The following TENM4 variants were observed in gnomAD, a reference collection of about 807,000 sequenced individuals.
The protein encoded by TENM4 is teneurin transmembrane protein 4.
TENM4 carries 82 observed loss-of-function variants against 243.3 expected under a neutral mutation model. The observed-to-expected ratio is 0.34, with a 90% CI of 0.28 to 0.40. The LOEUF (loss-of-function observed/expected upper bound fraction) is 0.40, where lower values mean the gene tolerates loss of function less well. Ranked by LOEUF, TENM4 falls within the 10% of genes least tolerant of loss-of-function variation. The pLI is 1.00. For missense variants in TENM4, 3,138 were observed against 3,673.3 expected (o/e 0.85, Z 3.77); for synonymous variants, 1,412 against 1,456.3 (o/e 0.97, Z 0.69).
At chr11:78,696,307 G>A (rs1858959944) in intron 28 of TENM4, among the ~76,000 whole-genome samples, 1 of 152,010 alleles carries the variant, frequency 6.6e-6, no homozygotes, top group South Asian at 2.1e-4. Context: ...TTTTCCATTA[G>A]AGCCTTTAAA....
intron 3 of TENM4, among the ~76,000 whole-genome samples, chr11:79,192,128 G>T (rs746433263): frequency 6.7e-6 from 1 of 148,570 alleles, no homozygotes; most frequent in African/African-American, 2.5e-5. Context: ...CAGCCGCCCC[G>T]TCCGGGAGGG....
intron 1 of TENM4, among the ~76,000 whole-genome samples, chr11:79,421,665 C>T (rs760401261): frequency 1.6e-4 from 24 of 148,368 alleles, no homozygotes; most frequent in Non-Finnish European, 3.0e-4. Context: ...GCTAAAGGAA[C>T]GGAACAAGGA....
chr11:78,704,167 A>G (rs1208549937), intron 27 of TENM4, among the ~76,000 whole-genome samples: 3 of 96,300 alleles, frequency 3.1e-5, no homozygotes, highest in African/African-American at 1.1e-4. Context: ...GTCTATATAT[A>G]TATATATATA....
intron 6 of TENM4, among the ~76,000 whole-genome samples, chr11:78,961,889 G>A (rs1228288663): frequency 5.9e-5 from 9 of 151,586 alleles, no homozygotes; most frequent in Admixed American, 5.9e-4. Flanking sequence ...CATCTTTGTC[G>A]GTACATCTGC....
chr11:79,000,623 T>C (rs1445211596), intron 6 of TENM4, among the ~76,000 whole-genome samples: 7 of 152,072 alleles, frequency 4.6e-5, no homozygotes, highest in African/African-American at 1.7e-4. Context: ...ATCCTCAAGA[T>C]ATAGTTAAAA....
At chr11:78,911,057 G>A (rs1343690840) in intron 6 of TENM4, among the ~76,000 whole-genome samples, 1 of 152,224 alleles carries the variant, frequency 6.6e-6, no homozygotes, top group Non-Finnish European at 1.5e-5. Flanking sequence ...TGAACACTCA[G>A]ATTATTAAAT....
chr11:79,439,813 G>A (rs1005716562), intron 1 of TENM4, among the ~76,000 whole-genome samples: 4 of 152,170 alleles, frequency 2.6e-5, no homozygotes, highest in Non-Finnish European at 4.4e-5. Context: ...CCCGAAGCTG[G>A]GGGTGAGAGT....
chr11:78,662,757 C>A lies in TENM4; in HGVS notation c.7409-1166G>T, dbSNP rs929046403. ...GCCGTTGAGACCCTCATCTCACATA[C>A]TCACAACTCTGAAGGAGAGATGAGA... On this transcript the variant is annotated intron_variant, in intron 32 of 33. Coordinates refer to ENST00000278550, the MANE Select transcript of TENM4 (RefSeq NM_001098816.3). Among the ~76,000 whole-genome samples, 5 of 152,162 alleles carry A rather than the reference C, an allele frequency of 3.3e-5. No individual in the cohort carries two copies. In the East Asian group the frequency reaches 9.6e-4, roughly 29 times the overall value.
chr11:78,893,397 A>T (rs1855709980), intron 7 of TENM4, among the ~76,000 whole-genome samples: 1 of 152,208 alleles, frequency 6.6e-6, no homozygotes, highest in African/African-American at 2.4e-5. Context: ...TCATTTTACA[A>T]AACCCAAAGT....
intron 6 of TENM4, among the ~76,000 whole-genome samples, chr11:78,974,012 A>G (rs1285973124): frequency 6.6e-6 from 1 of 152,138 alleles, no homozygotes; most frequent in Non-Finnish European, 1.5e-5. Flanking sequence ...AAGGAAGCTA[A>G]CAGGACTAGA....
chr11:78,718,293 T>C (rs1270391859), intron 25 of TENM4, among the ~76,000 whole-genome samples: 1 of 152,144 alleles, frequency 6.6e-6, no homozygotes, highest in Non-Finnish European at 1.5e-5. Context: ...TGATTCATTT[T>C]TTCCTTTCTA....
chr11:79,133,218 A>G (rs1255151088), intron 4 of TENM4, among the ~76,000 whole-genome samples: 2 of 152,214 alleles, frequency 1.3e-5, no homozygotes, highest in African/African-American at 4.8e-5. Context: ...GGCTATTGTG[A>G]ACAGCTTTAT....
intron 1 of TENM4, among the ~76,000 whole-genome samples, chr11:79,421,987 G>A (rs1354143874): frequency 1.3e-5 from 2 of 151,970 alleles, no homozygotes; most frequent in African/African-American, 2.4e-5. Context: ...GGCTCTTAAC[G>A]CACACCCCAC....
chr11:78,698,000 T>G (rs1859007783), intron 28 of TENM4, among the ~76,000 whole-genome samples: 1 of 152,212 alleles, frequency 6.6e-6, no homozygotes, highest in African/African-American at 2.4e-5. Context: ...GAAAGTAACC[T>G]TGATTCTCCA....
At chr11:78,660,309 G>A (rs1475268470) in intron 33 of TENM4, among the ~76,000 whole-genome samples, 2 of 152,184 alleles carry the variant, frequency 1.3e-5, no homozygotes, top group Non-Finnish European at 2.9e-5. Context: ...AAATGTCTGG[G>A]CTGTTTACTT....
chr11:78,745,014 G>A (rs749613327), intron 19 of TENM4, among the ~76,000 whole-genome samples: 2 of 152,098 alleles, frequency 1.3e-5, no homozygotes, highest in Non-Finnish European at 2.9e-5. Context: ...CGCACTATTA[G>A]TATTATCTTC....
Position 78,665,300 on chromosome 11 carries a change from G to A in TENM4, c.7408+3637C>T, listed in dbSNP as rs140994799. Among the ~76,000 whole-genome samples, 537 of 143,528 alleles carry A rather than the reference G, an allele frequency of 3.7e-3. 7 individuals are homozygous for A. Among genetic ancestry groups the A allele is most frequent in the African/African-American group, 0.014 (525 of 38,654 alleles). The allele number at this position is 143,528 out of a possible 152,430, so 94.2% of individuals were successfully genotyped here. On this transcript the variant is annotated intron_variant, in intron 32 of 33. Transcript: ENST00000278550. The stretch of plus-strand genomic sequence containing the variant: ...CTCTTTCTTTCCTTTTTTTGACAGG[G>A]TCTCACTGTCACCCAGGCTGGAGTG...
intron 10 of TENM4, among the ~76,000 whole-genome samples, chr11:78,861,957 T>A (rs575187881): frequency 6.6e-6 from 1 of 152,300 alleles, no homozygotes; most frequent in African/African-American, 2.4e-5. Flanking sequence ...TCTTTCTGGG[T>A]GCCAATTTTT....
intron 4 of TENM4, among the ~76,000 whole-genome samples, chr11:79,107,278 A>C (rs981271689): frequency 2.1e-5 from 3 of 146,156 alleles, no homozygotes; most frequent in African/African-American, 5.3e-5. Flanking sequence ...TTACTTGAGA[A>C]TACTAATCAT....
Sources: allele counts gnomAD v4.1 joint callset (sites outside exome capture counted in the v4.1 genomes callset), GRCh38; gene constraint gnomAD v4.1.1; transcripts MANE v1.5; gene names NCBI Gene and HGNC (gene_info 2026-07-23, HGNC 2026-07-21).